THADA: variants seen among roughly 807,000 people sequenced by gnomAD.
THADA encodes THADA armadillo repeat containing, also known as tRNA (32-2'-O)-methyltransferase regulator THADA.
THADA carries 213 observed loss-of-function variants against 219.8 expected under a neutral mutation model. The ratio of observed to expected loss-of-function variants is 0.97; its 90% CI spans 0.87 to 1.09. The LOEUF is 1.09. THADA is among the 50% of genes least tolerant of loss of function. THADA has a pLI of 0.00. For missense variants in THADA, 2,956 were observed against 2,311.3 expected (o/e 1.28, Z -5.72); for synonymous variants, 1,018 against 828.9 (o/e 1.23, Z -3.92).
chr2:43,538,164 G>C (rs952826580), intron 21 of THADA, among the ~76,000 whole-genome samples: 1 of 152,038 alleles, frequency 6.6e-6, no homozygotes, highest in African/African-American at 2.4e-5. Context: ...AAAATCAGTA[G>C]GCACTGGGTA....
Position 43,398,016 on chromosome 2 carries a change from A to G in THADA, c.4182T>C (p.Thr1394=), listed in dbSNP as rs1322210858. ...RTLLSTLPSC[T]DQCFRQNHIH... The stretch of plus-strand genomic sequence containing the variant: ...TGTGGTTTTGCCGGAAACACTGGTC[A>G]GTGCAGCTGGGGAGTGTGGACAACA... The change falls in exon 29 of 38, where the codon ACT becomes ACC. Residue 1394 remains threonine (T), a synonymous_variant. Coordinates refer to ENST00000405975, the MANE Select transcript of THADA (RefSeq NM_022065.5). 4 of 1,614,026 alleles carry G rather than the reference A, an allele frequency of 2.5e-6. No individual in the cohort carries two copies. The highest frequency in any genetic ancestry group is 2.5e-6 in the Non-Finnish European group (3 of 1,179,856).
Position 43,230,859 on chromosome 2 carries a change from A to C in THADA, c.*89T>G, listed in dbSNP as rs2103993500. On this transcript the variant is annotated 3_prime_UTR_variant, in exon 38 of 38. Coordinates refer to ENST00000405975, the MANE Select transcript of THADA (RefSeq NM_022065.5). ...AGTAGGGGAGGCATGAATGGGATAAAATTTTTGAATTTATGTTCAACATGT... is the reference window on the plus strand; with the variant it reads ...AGTAGGGGAGGCATGAATGGGATAACATTTTTGAATTTATGTTCAACATGT... 3 of 1,449,908 alleles carry C rather than the reference A, an allele frequency of 2.1e-6. No homozygotes were observed. The highest frequency in any genetic ancestry group is 2.3e-5 in the East Asian group (1 of 42,814). 89.8% of individuals were successfully genotyped at this position (1,449,908 alleles called of 1,614,324 possible). A position where few individuals can be genotyped will look rare whatever the true frequency, so the allele number is the denominator to read the frequency against.
intron 17 of THADA, 134 bp downstream of exon 17, chr2:43,556,211 C>A: frequency 6.8e-7 from 1 of 1,465,706 alleles, no homozygotes; most frequent in Non-Finnish European, 9.0e-7. Context: ...TAATGAGAAC[C>A]CATGGTGCTC....
chr2:43,419,034 C>T (rs529460840), intron 28 of THADA, among the ~76,000 whole-genome samples: 1 of 152,204 alleles, frequency 6.6e-6, no homozygotes, highest in African/African-American at 2.4e-5. Context: ...TTTCCTAGAG[C>T]CTGGCTATAA....
At chr2:43,278,605 G>A (rs948008923) in intron 36 of THADA, among the ~76,000 whole-genome samples, 2 of 152,202 alleles carry the variant, frequency 1.3e-5, no homozygotes, top group African/African-American at 4.8e-5. Flanking sequence ...ATGCTATCCT[G>A]CTGAGAGGAA....
At chr2:43,451,134 T>C (rs1238977230) in intron 26 of THADA, among the ~76,000 whole-genome samples, 2 of 152,210 alleles carry the variant, frequency 1.3e-5, no homozygotes, top group African/African-American at 4.8e-5. Context: ...ATAAAAAATA[T>C]GCTATTAAAT....
intron 28 of THADA, among the ~76,000 whole-genome samples, chr2:43,412,285 C>T (rs146969769): frequency 1.3e-5 from 2 of 152,232 alleles, no homozygotes; most frequent in African/African-American, 4.8e-5. Flanking sequence ...AAAGTCGGTG[C>T]AAAATGTATG....
At chr2:43,512,845 C>A (rs1397849338) in intron 22 of THADA, among the ~76,000 whole-genome samples, 2 of 152,186 alleles carry the variant, frequency 1.3e-5, no homozygotes, top group Non-Finnish European at 2.9e-5. Context: ...TATTTGCCTG[C>A]CACAAAGGAA....
intron 36 of THADA, among the ~76,000 whole-genome samples, chr2:43,275,241 G>C (rs905301561): frequency 6.6e-6 from 1 of 152,062 alleles, no homozygotes; most frequent in African/African-American, 2.4e-5. Context: ...CTGACCTCAG[G>C]TGATCTGCCC....
intron 29 of THADA, among the ~76,000 whole-genome samples, chr2:43,373,678 T>C (rs1671054778): frequency 6.6e-6 from 1 of 152,180 alleles, no homozygotes; most frequent in African/African-American, 2.4e-5. Flanking sequence ...GGTTTCACCA[T>C]GTTGGCCAGG....
At position 43,333,451 on chromosome 2, in the gene THADA, T is replaced by G. The variant is rs148287804; in HGVS notation, c.4343+10671A>C. Among the ~76,000 whole-genome samples the G allele has an allele frequency of 8.9e-3, 1,336 of 150,664 alleles. 17 individuals carry two copies. The highest frequency in any genetic ancestry group is 0.012 in the Non-Finnish European group (842 of 67,788). On this transcript the variant is annotated intron_variant, in intron 30 of 37. Coordinates refer to ENST00000405975, the MANE Select transcript of THADA (RefSeq NM_022065.5). ...TAGGAATTGAAAAGCAGTTACTACC[T>G]CTTCCATTTTTTTCCTAAAAAAAAA... is the stretch of plus-strand genomic sequence containing the variant.
In THADA at chr2:43,514,490, TAATA is replaced by T. The variant is rs1342247087; in HGVS notation, c.3375-5714_3375-5711del. On this transcript the variant is annotated intron_variant, in intron 22 of 37. Coordinates refer to ENST00000405975, the MANE Select transcript of THADA (RefSeq NM_022065.5). ...TAATATATAATATATATAATATACA[TAATA>T]TATACGTATATTTTATATATAATAT... 8.6e-5 allele frequency among the ~76,000 whole-genome samples: 12 copies of T among 139,226 alleles called. No homozygotes were observed. In the East Asian group the frequency reaches 2.4e-3, roughly 28 times the overall value. The allele number at this position is 139,226 out of a possible 152,430, so 91.3% of individuals were successfully genotyped here.
At chr2:43,550,290 T>C (rs1384229131) in intron 19 of THADA, among the ~76,000 whole-genome samples, 1 of 152,216 alleles carries the variant, frequency 6.6e-6, no homozygotes, top group East Asian at 1.9e-4. Flanking sequence ...TTTTGACTTA[T>C]ATTTAGGTAC....
intron 29 of THADA, among the ~76,000 whole-genome samples, chr2:43,386,538 T>C (rs1202641354): frequency 6.6e-6 from 1 of 152,188 alleles, no homozygotes; most frequent in Admixed American, 6.5e-5. Context: ...TACTACTGAC[T>C]TTCTAGACAT....
intron 31 of THADA, among the ~76,000 whole-genome samples, chr2:43,315,359 T>C (rs1455665189): frequency 6.6e-6 from 1 of 152,172 alleles, no homozygotes; most frequent in African/African-American, 2.4e-5. Context: ...TCTAGTCTGT[T>C]CCTCCATTCC....
At position 43,577,090 on chromosome 2, in the gene THADA, T is replaced by C. The variant is rs13021894; in HGVS notation, c.969A>G (p.Gly323=). The C allele has an allele frequency of 0.33, 540,068 of 1,612,266 alleles. 92,779 individuals carry two copies. The highest frequency in any genetic ancestry group is 0.49 in the African/African-American group (36,577 of 74,900). The change falls in exon 10 of 38, where the codon GGA becomes GGG. Residue 323 remains glycine, a synonymous_variant. Transcript: ENST00000405975. ...GGGCCTCCCCACTCCGACCCATGCTTCCGTTCTGCCAGTCCAACATGGCAA... is the reference window on the plus strand; with the variant it reads ...GGGCCTCCCCACTCCGACCCATGCTCCCGTTCTGCCAGTCCAACATGGCAA... ...GTLAMLDWQN[G]SMGRSGEALL... is the part of the protein sequence containing the mutation.
chr2:43,281,931 G>T (rs1296209088), intron 35 of THADA, among the ~76,000 whole-genome samples: 1 of 152,004 alleles, frequency 6.6e-6, no homozygotes, highest in African/African-American at 2.4e-5. Flanking sequence ...CACCACATCT[G>T]GCTAATTTTT....
chr2:43,290,180 C>T (rs1253063360), intron 34 of THADA, among the ~76,000 whole-genome samples: 2 of 151,746 alleles, frequency 1.3e-5, no homozygotes, highest in African/African-American at 4.8e-5. Context: ...CACTGTTGGT[C>T]AGGCTAGTCT....
intron 9 of THADA, 47 bp from the exon 10 acceptor site, chr2:43,577,289 T>C (rs1277465926): frequency 2.1e-6 from 3 of 1,427,030 alleles, no homozygotes; most frequent in Non-Finnish European, 2.9e-6. Flanking sequence ...TTTAAAACTT[T>C]TCAGAGATAT....
Sources: gnomAD v4.1 joint callset for allele counts (sites outside exome capture counted in the v4.1 genomes callset) on GRCh38, gnomAD v4.1.1 for gene constraint, MANE v1.5 for transcripts, NCBI Gene and HGNC (gene_info 2026-07-23, HGNC 2026-07-21) for gene names.